Variants in SPHKAP observed in about 807,000 individuals in gnomAD.
The protein encoded by SPHKAP is A-kinase anchor protein SPHKAP.
A neutral mutation model predicts 137.5 loss-of-function variants in SPHKAP; 67 were observed. The ratio of observed to expected loss-of-function variants is 0.49; its 90% CI spans 0.40 to 0.60. SPHKAP has a LOEUF of 0.60. Among genes scored for constraint, SPHKAP ranks in the 20% least tolerant of loss-of-function variants. The pLI is 0.00. For missense variants in SPHKAP, 2,097 were observed against 2,069.3 expected, an observed-to-expected ratio of 1.01 and a Z score of -0.26; for synonymous variants, 813 against 785.3, an observed-to-expected ratio of 1.04 and a Z score of -0.59.
intron 3 of SPHKAP, among the ~76,000 whole-genome samples, chr2:228,037,996 C>T (rs1422340624): frequency 6.6e-6 from 1 of 152,178 alleles, no homozygotes; most frequent in African/African-American, 2.4e-5. Context: ...CAGGACCAGC[C>T]TCTGTCTAGT....
intron 9 of SPHKAP, among the ~76,000 whole-genome samples, chr2:227,992,573 TTTTG>T (rs1294875604): frequency 6.6e-6 from 1 of 152,308 alleles, no homozygotes; most frequent in East Asian, 1.9e-4. Flanking sequence ...CCAAGGTAGT[TTTTG>T]TTTGTTTTGG....
intron 6 of SPHKAP, 89 bp from the exon 7 acceptor site, chr2:228,020,245 C>T: frequency 2.0e-6 from 3 of 1,495,958 alleles, no homozygotes; most frequent in Non-Finnish European, 2.7e-6. Context: ...AAAAATAAAA[C>T]ATCAATAAAG....
In SPHKAP at chr2:228,062,474, T is replaced by G. The variant is rs750343589; in HGVS notation, c.247-34931A>C. ...TGCATGTACTCCTCTGTTCTCCCGG[T>G]CTCCACCATTTCCTATCACATCTTG... On this transcript the variant is annotated intron_variant, in intron 3 of 11. Transcript: ENST00000392056. Among the ~76,000 whole-genome samples the G allele has an allele frequency of 3.3e-5, 5 of 152,132 alleles. No homozygotes were observed. In the South Asian group the frequency reaches 8.3e-4, roughly 25 times the overall value.
At chr2:228,096,433 C>G (rs906169125) in intron 3 of SPHKAP, among the ~76,000 whole-genome samples, 1 of 152,110 alleles carries the variant, frequency 6.6e-6, no homozygotes. Flanking sequence ...AAAACCACCA[C>G]CCCGACAAGC....
chr2:228,158,084 C>G (rs973520893), intron 1 of SPHKAP, among the ~76,000 whole-genome samples: 3 of 152,138 alleles, frequency 2.0e-5, no homozygotes, highest in African/African-American at 4.8e-5. Context: ...GGACAACACA[C>G]AGATTCATTT....
At chr2:228,124,793 T>A (rs1699022312) in intron 2 of SPHKAP, among the ~76,000 whole-genome samples, 1 of 152,194 alleles carries the variant, frequency 6.6e-6, no homozygotes, top group African/African-American at 2.4e-5. Context: ...TTTGTATGCC[T>A]GTGCCTGAAC....
At chr2:228,178,738 A>G (rs907711670) in intron 1 of SPHKAP, among the ~76,000 whole-genome samples, 4 of 152,262 alleles carry the variant, frequency 2.6e-5, no homozygotes, top group African/African-American at 9.6e-5. Flanking sequence ...GGAAACATTT[A>G]ATCTCTGCAC....
At chr2:228,141,472 T>C (rs1350776072) in intron 1 of SPHKAP, among the ~76,000 whole-genome samples, 1 of 152,214 alleles carries the variant, frequency 6.6e-6, no homozygotes, top group Non-Finnish European at 1.5e-5. Flanking sequence ...CAGCACATTT[T>C]CATATTCAAC....
intron 3 of SPHKAP, among the ~76,000 whole-genome samples, chr2:228,051,250 A>T (rs1696245855): frequency 6.6e-6 from 1 of 152,104 alleles, no homozygotes; most frequent in Admixed American, 6.6e-5. Flanking sequence ...TTTACCTAAA[A>T]CTTGTTTTTA....
chr2:227,994,345 G>A (rs946838231), intron 8 of SPHKAP, among the ~76,000 whole-genome samples: 19 of 152,160 alleles, frequency 1.2e-4, no homozygotes, highest in Non-Finnish European at 1.3e-4. Flanking sequence ...GGAACTTACT[G>A]ACTGAAACAC....
intron 7 of SPHKAP, among the ~76,000 whole-genome samples, chr2:228,007,836 G>A (rs1408756905): frequency 6.6e-6 from 1 of 152,060 alleles, no homozygotes; most frequent in Non-Finnish European, 1.5e-5. Flanking sequence ...AATAAATGGT[G>A]TAGGAAAACT....
chr2:228,110,710 A>C (rs949491236), intron 2 of SPHKAP, among the ~76,000 whole-genome samples: 1 of 152,240 alleles, frequency 6.6e-6, no homozygotes, highest in Non-Finnish European at 1.5e-5. Flanking sequence ...AGCACAACAG[A>C]CTGAATGCAG....
intron 5 of SPHKAP, among the ~76,000 whole-genome samples, chr2:228,024,346 T>TTTG (rs1553614228): frequency 8.1e-6 from 1 of 123,394 alleles, no homozygotes; most frequent in Non-Finnish European, 1.7e-5. Flanking sequence ...GAGGCAGTTT[T>TTTG]TTTTTTTTTT....
intron 2 of SPHKAP, among the ~76,000 whole-genome samples, chr2:228,118,027 G>A (rs906745999): frequency 2.6e-5 from 4 of 151,790 alleles, no homozygotes. Context: ...CAATATTATA[G>A]CTTTATTCTA....
intron 3 of SPHKAP, among the ~76,000 whole-genome samples, chr2:228,095,893 G>A (rs1697968917): frequency 6.6e-6 from 1 of 152,138 alleles, no homozygotes; most frequent in Non-Finnish European, 1.5e-5. Flanking sequence ...TGATATTAAA[G>A]TAATTGAGAA....
chr2:228,064,681 C>T (rs1161324066), intron 3 of SPHKAP, among the ~76,000 whole-genome samples: 4 of 151,926 alleles, frequency 2.6e-5, no homozygotes, highest in Non-Finnish European at 5.9e-5. Context: ...AAGAGTATTT[C>T]AGGAAGAGAG....
chr2:228,153,958 G>C (rs2106403116), intron 1 of SPHKAP, among the ~76,000 whole-genome samples: 1 of 152,238 alleles, frequency 6.6e-6, no homozygotes, highest in African/African-American at 2.4e-5. Flanking sequence ...TGCCTGAAAA[G>C]CTTCCCAGAA....
At chr2:228,113,702 CTG>C (rs1574861187) in intron 2 of SPHKAP, among the ~76,000 whole-genome samples, 1 of 147,816 alleles carries the variant, frequency 6.8e-6, no homozygotes, top group East Asian at 2.1e-4. Flanking sequence ...TCCTTGTTAA[CTG>C]TGTAGTTAAG....
intron 3 of SPHKAP, among the ~76,000 whole-genome samples, chr2:228,098,090 A>G (rs1341825156): frequency 1.3e-5 from 2 of 152,182 alleles, no homozygotes; most frequent in Non-Finnish European, 2.9e-5. Context: ...ACTAATTTGC[A>G]TTCCCACCAG....
Sources: gnomAD v4.1 joint callset for allele counts (sites outside exome capture counted in the v4.1 genomes callset) on GRCh38, gnomAD v4.1.1 for gene constraint, MANE v1.5 for transcripts, NCBI Gene and HGNC (gene_info 2026-07-23, HGNC 2026-07-21) for gene names.